Variants in WASHC5 observed in about 807,000 individuals in gnomAD.
WASHC5 encodes the protein WASH complex subunit strumpellin.
A neutral mutation model predicts 150.4 loss-of-function variants in WASHC5; 101 were observed. That is an observed-to-expected ratio of 0.67 (90% CI 0.57 to 0.79). The LOEUF (loss-of-function observed/expected upper bound fraction) is 0.79, where lower values mean the gene tolerates loss of function less well. Among genes scored for constraint, WASHC5 ranks in the 30% least tolerant of loss-of-function variants. The pLI is 0.00. For missense variants in WASHC5, 1,195 were observed against 1,396.3 expected, an observed-to-expected ratio of 0.86 and a Z score of 2.30; for synonymous variants, 467 against 491.2, an observed-to-expected ratio of 0.95 and a Z score of 0.65.
chr8:125,046,459 T>C lies in WASHC5; in HGVS notation c.2504+748A>G, dbSNP rs112582620. Among the ~76,000 whole-genome samples, 153 of 152,302 alleles carry C rather than the reference T, an allele frequency of 1.0e-3. 2 individuals carry two copies. The highest frequency in any genetic ancestry group is 3.3e-3 in the African/African-American group (139 of 41,572). On this transcript the variant is annotated intron_variant, in intron 20 of 28. Transcript: ENST00000318410. ...CACATAACCCGTATGTAGACTGTGA[T>C]TGGCTGTATACAAAGCTATGCAGTC...
intron 1 of WASHC5, among the ~76,000 whole-genome samples, chr8:125,086,837 A>T (rs1344411491): frequency 1.3e-5 from 2 of 152,202 alleles, no homozygotes; most frequent in African/African-American, 2.4e-5. Context: ...GCTGAGAGGG[A>T]AAAGTCCTGA....
intron 9 of WASHC5, 85 bp downstream of exon 9, chr8:125,073,067 TA>T: frequency 7.0e-7 from 1 of 1,438,360 alleles, no homozygotes; most frequent in Non-Finnish European, 9.8e-7. Flanking sequence ...CTCTCCCTGC[TA>T]AACCACTCTG....
rs536910381 is a variant in WASHC5 at position 125,087,541 on chromosome 8, CAACA to C, written c.-124-3523_-124-3520del. Among the ~76,000 whole-genome samples, 102 of 152,096 alleles carry C rather than the reference CAACA, an allele frequency of 6.7e-4. No individual in the cohort carries two copies. In the Middle Eastern group the frequency reaches 0.01, roughly 15 times the overall value. ...CTCAAGAGTTCAAGACCAGTCTGGG[CAACA>C]ATAGCGAGACCTTGTCTCTACTAAA... On this transcript the variant is annotated intron_variant, in intron 1 of 28. Transcript: ENST00000318410.
chr8:125,068,640 CACA>C (rs1192804123), intron 9 of WASHC5, among the ~76,000 whole-genome samples: 1 of 152,172 alleles, frequency 6.6e-6, no homozygotes, highest in South Asian at 2.1e-4. Context: ...GAATGCCCGA[CACA>C]ACAAGGAAGG....
rs1816450290 is a variant in WASHC5, at chr8:125,057,624, C to T, written c.1807G>A (p.Ala603Thr). 6.2e-7 allele frequency: 1 copy of T among 1,613,868 alleles called. No homozygotes were observed. The highest frequency in any genetic ancestry group is 2.2e-5 in the East Asian group (1 of 44,886). Residue 603 changes from alanine to threonine, a missense_variant, in exon 15 of 29, where the codon GCA (alanine) becomes ACA (threonine). By Grantham distance (58) the Ala-to-Thr change is moderately conservative. Coordinates refer to ENST00000318410, the MANE Select transcript of WASHC5 (RefSeq NM_014846.4). The stretch of plus-strand genomic sequence containing the variant: ...ACGCTGAGCAGGTCGGGGCTATTTG[C>T]CTGATTAATACGAAGAAGGGGCAGA... ...LDLPLLRINQ[A>T]NSPDLLSVSQ...
chr8:125,052,288 G>C (rs749955977), intron 17 of WASHC5, among the ~76,000 whole-genome samples: 175 of 152,134 alleles, frequency 1.2e-3, no homozygotes, highest in Non-Finnish European at 1.8e-3. Flanking sequence ...TCTAAAGATC[G>C]CATGCGGCTC....
intron 17 of WASHC5, among the ~76,000 whole-genome samples, chr8:125,053,103 CT>C (rs10616158): frequency 0.028 from 3,873 of 136,168 alleles, 54 homozygotes; most frequent in South Asian, 0.064. Context: ...ACCTGTATTT[CT>C]TTTTTTTTTT....
intron 10 of WASHC5, among the ~76,000 whole-genome samples, chr8:125,067,384 T>C (rs1816773034): frequency 1.3e-5 from 2 of 152,194 alleles, no homozygotes; most frequent in Admixed American, 6.5e-5. Context: ...CTTGAGTACC[T>C]TTCCCCATCA....
At chr8:125,050,194 A>T (rs1429274149) in intron 18 of WASHC5, among the ~76,000 whole-genome samples, 3 of 152,282 alleles carry the variant, frequency 2.0e-5, no homozygotes, top group East Asian at 3.9e-4. Flanking sequence ...AAAGCAAAAT[A>T]AAAAATTATA....
chr8:125,065,531 T>C (rs553622936), intron 10 of WASHC5, among the ~76,000 whole-genome samples: 57 of 152,106 alleles, frequency 3.7e-4, no homozygotes, highest in African/African-American at 1.4e-3. Context: ...CACTCAACAA[T>C]GCTGAACTAC....
intron 9 of WASHC5, among the ~76,000 whole-genome samples, chr8:125,069,775 T>G (rs1816849167): frequency 6.6e-6 from 1 of 152,202 alleles, no homozygotes; most frequent in Admixed American, 6.5e-5. Flanking sequence ...TGACACTGAT[T>G]ACACAAAGTG....
At chr8:125,052,565 T>C (rs1816271071) in intron 17 of WASHC5, among the ~76,000 whole-genome samples, 1 of 151,160 alleles carries the variant, frequency 6.6e-6, no homozygotes, top group African/African-American at 2.4e-5. Context: ...ACACATATAT[T>C]ATACATATAT....
At chr8:125,036,190 T>A (rs556321067) in intron 26 of WASHC5, among the ~76,000 whole-genome samples, 2 of 152,366 alleles carry the variant, frequency 1.3e-5, no homozygotes, top group South Asian at 4.1e-4. Flanking sequence ...TTTCCCATCA[T>A]GGTTCCAGAT....
chr8:125,040,108 T>C lies in WASHC5; in HGVS notation c.2851-210A>G, dbSNP rs2303530. On this transcript the variant is annotated intron_variant, in intron 23 of 28. Coordinates refer to ENST00000318410, the MANE Select transcript of WASHC5 (RefSeq NM_014846.4). ...GCCCTTCAAGGAATGTCTGGATGGA[T>C]TCCCATACCCCAACCTAAAAATACC... Among the ~76,000 whole-genome samples the C allele has an allele frequency of 0.18, 27,114 of 152,058 alleles. 4,705 individuals are homozygous for C. The highest frequency in any genetic ancestry group is 0.45 in the African/African-American group (18,791 of 41,408).
At chr8:125,054,932 C>A in intron 17 of WASHC5, among the ~76,000 whole-genome samples, 1 of 149,242 alleles carries the variant, frequency 6.7e-6, no homozygotes. Flanking sequence ...GCAATTTTGA[C>A]TAAGGAAATT....
At chr8:125,079,708 G>A (rs1402681561) in intron 5 of WASHC5, among the ~76,000 whole-genome samples, 3 of 152,094 alleles carry the variant, frequency 2.0e-5, no homozygotes, top group Non-Finnish European at 2.9e-5. Context: ...TAATTCTGGA[G>A]GAAAATTTAT....
At chr8:125,052,266 T>C (rs891518761) in intron 17 of WASHC5, among the ~76,000 whole-genome samples, 8 of 152,224 alleles carry the variant, frequency 5.3e-5, no homozygotes, top group African/African-American at 1.9e-4. Context: ...AAGAGTTCAA[T>C]GCTTTCGTGA....
chr8:125,072,360 G>T (rs527955287), intron 9 of WASHC5, among the ~76,000 whole-genome samples: 1 of 104,890 alleles, frequency 9.5e-6, no homozygotes, highest in Non-Finnish European at 1.9e-5. Context: ...AGTGGGGGGG[G>T]GGGGCGGGCT....
Position 125,038,897 on chromosome 8 carries a change from T to C in WASHC5, c.3017A>G (p.Asp1006Gly). The C allele has an allele frequency of 6.2e-7, 1 of 1,614,148 alleles. No homozygotes were observed. The highest frequency in any genetic ancestry group is 1.1e-5 in the South Asian group (1 of 91,086). ...QDPSLPYPKE[D>G]NTLLYEITAY... ...TGTGATTTCATATAAAAGTGTGTTA[T>C]CTTCTTTGGGGTAAGGAAGTGAAGG... Residue 1006 changes from aspartate (D) to glycine (G), a missense_variant, in exon 25 of 29, where the codon GAT (aspartate) becomes GGT (glycine). Asp to Gly is a moderately conservative substitution (Grantham distance 94, BLOSUM62 -1). Coordinates refer to ENST00000318410, the MANE Select transcript of WASHC5 (RefSeq NM_014846.4).
Sources: allele counts gnomAD v4.1 joint callset (sites outside exome capture counted in the v4.1 genomes callset), GRCh38; gene constraint gnomAD v4.1.1; transcripts MANE v1.5; gene names NCBI Gene and HGNC (gene_info 2026-07-23, HGNC 2026-07-21).